Variants in L3MBTL4 observed in about 807,000 individuals in gnomAD.
L3MBTL4 encodes the protein L3MBTL histone methyl-lysine binding protein 4.
In L3MBTL4, 70 loss-of-function variants were observed where a neutral mutation model predicts 84.5. The observed-to-expected ratio is 0.83, with a 90% confidence interval of 0.68 to 1.01. The LOEUF (loss-of-function observed/expected upper bound fraction) is 1.01, where lower values mean the gene tolerates loss of function less well. Among genes scored for constraint, L3MBTL4 ranks in the 50% least tolerant of loss-of-function variants. L3MBTL4 has a pLI of 0.00. For missense variants in L3MBTL4, 715 were observed against 754.8 expected, an observed-to-expected ratio of 0.95 and a Z score of 0.62; for synonymous variants, 274 against 259.8, an observed-to-expected ratio of 1.05 and a Z score of -0.52.
chr18:6,140,755 T>C (rs113228906), intron 13 of L3MBTL4, among the ~76,000 whole-genome samples: 1 of 152,040 alleles, frequency 6.6e-6, no homozygotes, highest in East Asian at 1.9e-4. Context: ...TTCTCCATCA[T>C]AAAAACAAAG....
intron 13 of L3MBTL4, among the ~76,000 whole-genome samples, chr18:6,170,142 C>A (rs1438756658): frequency 6.6e-6 from 1 of 152,098 alleles, no homozygotes; most frequent in African/African-American, 2.4e-5. Context: ...ACACACTAAG[C>A]AAGCTTTAAA....
intron 16 of L3MBTL4, among the ~76,000 whole-genome samples, chr18:5,998,734 C>T (rs1363047210): frequency 6.6e-6 from 1 of 152,094 alleles, no homozygotes; most frequent in African/African-American, 2.4e-5. Context: ...GGGGTGATTA[C>T]TCAACCTTTG....
chr18:6,393,159 G>A (rs1373410091), intron 1 of L3MBTL4, among the ~76,000 whole-genome samples: 2 of 152,054 alleles, frequency 1.3e-5, no homozygotes, highest in East Asian at 1.9e-4. Context: ...CGAATTCAAC[G>A]GGCCAAATGT....
intron 10 of L3MBTL4, among the ~76,000 whole-genome samples, chr18:6,223,762 C>T (rs1432629621): frequency 2.0e-5 from 3 of 152,174 alleles, no homozygotes; most frequent in Non-Finnish European, 4.4e-5. Flanking sequence ...GTTTGGCCCT[C>T]CCATGTACAA....
chr18:6,368,205 T>C (rs1048660342), intron 1 of L3MBTL4, among the ~76,000 whole-genome samples: 9 of 151,902 alleles, frequency 5.9e-5, no homozygotes, highest in African/African-American at 2.2e-4. Context: ...CAAGACCTGC[T>C]CTGTGCTGCT....
intron 16 of L3MBTL4, among the ~76,000 whole-genome samples, chr18:6,010,054 C>G (rs1617885): frequency 0.8 from 121,832 of 152,010 alleles, 49,177 homozygotes; most frequent in Admixed American, 0.85. Flanking sequence ...ATCGATGTTT[C>G]CCTTCTGTAT....
intron 16 of L3MBTL4, chr18:6,032,171 G>T (rs1342439152): frequency 1.9e-5 from 6 of 315,674 alleles, no homozygotes; most frequent in African/African-American, 1.4e-4. Flanking sequence ...TAGAGACGGG[G>T]TTTCACTGCG....
At chr18:6,161,858 C>A (rs1409400752) in intron 13 of L3MBTL4, among the ~76,000 whole-genome samples, 1 of 151,844 alleles carries the variant, frequency 6.6e-6, no homozygotes, top group Non-Finnish European at 1.5e-5. Context: ...CTATTTCATA[C>A]ATTTGTAAAC....
At chr18:6,381,471 G>T (rs893019610) in intron 1 of L3MBTL4, among the ~76,000 whole-genome samples, 9 of 152,204 alleles carry the variant, frequency 5.9e-5, no homozygotes, top group African/African-American at 2.2e-4. Flanking sequence ...GGTTGGTACC[G>T]GTTGTTCCTT....
intron 10 of L3MBTL4, among the ~76,000 whole-genome samples, chr18:6,230,431 T>C (rs1388328716): frequency 6.6e-6 from 1 of 152,164 alleles, no homozygotes; most frequent in Non-Finnish European, 1.5e-5. Flanking sequence ...TGGATGACTG[T>C]GTAGTATTCC....
chr18:6,093,485 C>A lies in L3MBTL4; in HGVS notation c.1243G>T (p.Ala415Ser), dbSNP rs776160845. 6.2e-7 allele frequency: 1 copy of A among 1,613,562 alleles called. No homozygotes were observed. The highest frequency in any genetic ancestry group is 1.3e-5 in the African/African-American group (1 of 74,880). Residue 415 changes from alanine (A) to serine (S), a missense_variant, in exon 15 of 19, where the codon GCA becomes TCA. Ala to Ser is a moderately conservative substitution (Grantham distance 99, BLOSUM62 1). Transcript: ENST00000317931. ...TCTCTCAAACGATCGTGAAGTGTTGCCTCCTTTTTCAAGTTCATGTCTGAA... is the reference window on the plus strand; with the variant it reads ...TCTCTCAAACGATCGTGAAGTGTTGACTCCTTTTTCAAGTTCATGTCTGAA... ...PYSDMNLKKE[A>S]TLHDRLREQT... is the part of the protein sequence containing the mutation.
chr18:6,130,144 T>C (rs2059828269), intron 14 of L3MBTL4, among the ~76,000 whole-genome samples: 1 of 152,084 alleles, frequency 6.6e-6, no homozygotes, highest in Non-Finnish European at 1.5e-5. Flanking sequence ...AGAAATGAAG[T>C]TAGGAATAGT....
intron 13 of L3MBTL4, among the ~76,000 whole-genome samples, chr18:6,149,006 C>T (rs959436638): frequency 4.0e-5 from 6 of 151,828 alleles, no homozygotes; most frequent in Non-Finnish European, 8.8e-5. Context: ...TGAAAATTGT[C>T]TCTCAAAGAA....
At chr18:6,208,245 T>C in intron 12 of L3MBTL4, among the ~76,000 whole-genome samples, 1 of 152,226 alleles carries the variant, frequency 6.6e-6, no homozygotes, top group East Asian at 1.9e-4. Context: ...AACTCATATC[T>C]GGACTTTTGT....
At chr18:5,983,602 T>C (rs2053334343) in intron 16 of L3MBTL4, among the ~76,000 whole-genome samples, 1 of 152,180 alleles carries the variant, frequency 6.6e-6, no homozygotes, top group Non-Finnish European at 1.5e-5. Flanking sequence ...CAAGATCCTG[T>C]TGGTTATCAC....
At chr18:6,311,497 G>A in intron 3 of L3MBTL4, 57 bp downstream of exon 3, 1 of 1,400,468 alleles carries the variant, frequency 7.1e-7, no homozygotes, top group Non-Finnish European at 1.0e-6. Context: ...CTATTCCATG[G>A]TGCATTTTGG....
At chr18:6,069,055 G>C (rs1485504790) in intron 16 of L3MBTL4, among the ~76,000 whole-genome samples, 1 of 152,216 alleles carries the variant, frequency 6.6e-6, no homozygotes, top group African/African-American at 2.4e-5. Flanking sequence ...CCAGAAATGT[G>C]AACTAATTTC....
chr18:6,099,569 A>G (rs1393398755), intron 14 of L3MBTL4, among the ~76,000 whole-genome samples: 1 of 48,078 alleles, frequency 2.1e-5, no homozygotes, highest in Non-Finnish European at 5.2e-5. Context: ...ATATCTATAG[A>G]TAGATAGATA....
At chr18:6,062,558 A>G (rs531711398) in intron 16 of L3MBTL4, among the ~76,000 whole-genome samples, 7 of 152,112 alleles carry the variant, frequency 4.6e-5, no homozygotes, top group African/African-American at 1.2e-4. Context: ...ATCATTTCAA[A>G]TATTTCTTCT....
Sources: allele counts gnomAD v4.1 joint callset (sites outside exome capture counted in the v4.1 genomes callset), GRCh38; gene constraint gnomAD v4.1.1; transcripts MANE v1.5; gene names NCBI Gene and HGNC (gene_info 2026-07-23, HGNC 2026-07-21).